GNG7: variants seen among roughly 807,000 people sequenced by gnomAD.
GNG7 encodes the protein guanine nucleotide-binding protein G(I)/G(S)/G(O) subunit gamma-7.
In GNG7, 1 loss-of-function variant was observed where a neutral mutation model predicts 4.0. The ratio of observed to expected loss-of-function variants is 0.25; its 90% CI spans 0.09 to 1.18. The LOEUF (loss-of-function observed/expected upper bound fraction) is 1.18. GNG7 is among the 50% of genes most tolerant of loss of function. The probability of loss-of-function intolerance (pLI) is 0.50; values close to 1 mark genes in which losing one functional copy is unlikely to be tolerated. For synonymous variants in GNG7, 34 were observed against 36.9 expected (o/e 0.92, Z 0.29); for missense variants, 86 against 91.9 (o/e 0.94, Z 0.26).
At chr19:2,584,839 GGAAGGAAA>G (rs1241975573) in intron 2 of GNG7, among the ~76,000 whole-genome samples, 1 of 41,942 alleles carries the variant, frequency 2.4e-5, no homozygotes. Flanking sequence ...AGGGAGGGAA[GGAAGGAAA>G]GAAGGAAGGA....
chr19:2,619,044 C>T (rs1038709090), intron 2 of GNG7, among the ~76,000 whole-genome samples: 1 of 152,146 alleles, frequency 6.6e-6, no homozygotes, highest in African/African-American at 2.4e-5. Flanking sequence ...CAAAAAATGT[C>T]ATTCTGGCTA....
chr19:2,602,116 C>T (rs376305521), intron 2 of GNG7, among the ~76,000 whole-genome samples: 67 of 152,180 alleles, frequency 4.4e-4, no homozygotes, highest in South Asian at 8.3e-4. Flanking sequence ...ATGGGCAGGT[C>T]ACCTGAGGTC....
At chr19:2,540,704 C>T (rs947837760) in intron 3 of GNG7, among the ~76,000 whole-genome samples, 4 of 152,152 alleles carry the variant, frequency 2.6e-5, no homozygotes, top group Middle Eastern at 3.2e-3. Context: ...CAGCGAGGCC[C>T]GCCGGGCAGC....
intron 2 of GNG7, among the ~76,000 whole-genome samples, chr19:2,565,895 C>A (rs982536665): frequency 6.6e-6 from 1 of 152,168 alleles, no homozygotes; most frequent in African/African-American, 2.4e-5. Flanking sequence ...CGGTGGCTCA[C>A]GCCTGTTATC....
chr19:2,536,474 A>C (rs193125298), intron 3 of GNG7, among the ~76,000 whole-genome samples: 13 of 152,226 alleles, frequency 8.5e-5, no homozygotes, highest in Admixed American at 8.5e-4. Context: ...TGTTTTTGAA[A>C]CTGAAGCCAC....
At chr19:2,628,321 C>T (rs1365201730) in intron 2 of GNG7, among the ~76,000 whole-genome samples, 1 of 152,120 alleles carries the variant, frequency 6.6e-6, no homozygotes, top group Non-Finnish European at 1.5e-5. Context: ...CGGCAGAATT[C>T]ATTTCCTTGC....
chr19:2,540,073 CCTCT>C (rs3049063), intron 3 of GNG7, among the ~76,000 whole-genome samples: 76 of 129,134 alleles, frequency 5.9e-4, no homozygotes, highest in African/African-American at 1.2e-3. Flanking sequence ...CTCCTCCCTC[CCTCT>C]CTCTCTCTCT....
At chr19:2,651,567 C>G (rs1172259013) in intron 1 of GNG7, among the ~76,000 whole-genome samples, 2 of 146,388 alleles carry the variant, frequency 1.4e-5, no homozygotes, top group African/African-American at 5.1e-5. Flanking sequence ...CTCTCTCTCT[C>G]TCTCTCTCTT....
chr19:2,598,927 C>G (rs969747630), intron 2 of GNG7, among the ~76,000 whole-genome samples: 1 of 152,136 alleles, frequency 6.6e-6, no homozygotes, highest in African/African-American at 2.4e-5. Flanking sequence ...TTCCAGCTCA[C>G]CTCAAGCTGG....
chr19:2,691,364 C>T (rs191615261), intron 1 of GNG7, among the ~76,000 whole-genome samples: 1 of 151,310 alleles, frequency 6.6e-6, no homozygotes, highest in East Asian at 1.9e-4. Flanking sequence ...GGCAACATGG[C>T]GAGACCCCAT....
At chr19:2,570,971 T>TA (rs1271636049) in intron 2 of GNG7, among the ~76,000 whole-genome samples, 2 of 113,202 alleles carry the variant, frequency 1.8e-5, no homozygotes, top group African/African-American at 1.3e-4. Flanking sequence ...CTAATGTTTG[T>TA]ATTTTTTTTT....
At chr19:2,649,695 ATTATTT>A (rs1353404777) in intron 1 of GNG7, among the ~76,000 whole-genome samples, 1 of 152,070 alleles carries the variant, frequency 6.6e-6, no homozygotes, top group Non-Finnish European at 1.5e-5. Flanking sequence ...GCCAGGAATC[ATTATTT>A]TTAAACAGCC....
At chr19:2,615,231 G>A (rs907756796) in intron 2 of GNG7, among the ~76,000 whole-genome samples, 6 of 148,544 alleles carry the variant, frequency 4.0e-5, no homozygotes, top group East Asian at 2.0e-4. Context: ...GCGCGATCTC[G>A]GCTCACTGCA....
At chr19:2,683,415 A>G (rs1251711383) in intron 1 of GNG7, 1 of 152,058 alleles carries the variant, frequency 6.6e-6, no homozygotes, top group Non-Finnish European at 1.5e-5. Flanking sequence ...TAATTTTTTT[A>G]AAAAGACTAT....
chr19:2,525,026 G>T (rs1207785535), intron 3 of GNG7, among the ~76,000 whole-genome samples: 1 of 150,938 alleles, frequency 6.6e-6, no homozygotes, highest in African/African-American at 2.4e-5. Context: ...GGTGTCACCA[G>T]CCGGCACTGA....
At chr19:2,553,889 C>A (rs7254017) in intron 3 of GNG7, among the ~76,000 whole-genome samples, 112,846 of 141,976 alleles carry the variant, frequency 0.79, 45,117 homozygotes, top group African/African-American at 0.88. Context: ...TGTACATATT[C>A]TATGTAATAT....
intron 2 of GNG7, among the ~76,000 whole-genome samples, chr19:2,606,570 G>T (rs1053403850): frequency 6.6e-6 from 1 of 151,628 alleles, no homozygotes; most frequent in African/African-American, 2.4e-5. Flanking sequence ...CAGCAGAATC[G>T]CTTGAACCCG....
At chr19:2,643,774 G>A in intron 2 of GNG7, 1 of 384,228 alleles carries the variant, frequency 2.6e-6, no homozygotes. Flanking sequence ...ATGGTTCTAA[G>A]GGTTGCCATT....
chr19:2,537,419 A>AT (rs1447413056), intron 3 of GNG7, among the ~76,000 whole-genome samples: 1 of 151,364 alleles, frequency 6.6e-6, no homozygotes, highest in African/African-American at 2.4e-5. Context: ...CTAGTTTTTT[A>AT]TTTTTTGTAG....
Sources: allele counts gnomAD v4.1 joint callset (sites outside exome capture counted in the v4.1 genomes callset), GRCh38; gene constraint gnomAD v4.1.1; transcripts MANE v1.5; gene names NCBI Gene and HGNC (gene_info 2026-07-23, HGNC 2026-07-21).